Variants in ODF2 observed in about 807,000 individuals in gnomAD.
ODF2 encodes outer dense fiber of sperm tails 2, also known as outer dense fiber protein 2.
In ODF2, 47 loss-of-function variants were observed where a neutral mutation model predicts 110.2. That is an observed-to-expected ratio of 0.43 (90% CI 0.34 to 0.54). The LOEUF is 0.54. ODF2 is among the 20% of genes least tolerant of loss of function. The pLI, the probability that ODF2 is intolerant of heterozygous loss-of-function variation, is 0.03. For missense variants in ODF2, 812 were observed against 1,054.5 expected, an observed-to-expected ratio of 0.77 and a Z score of 3.19; for synonymous variants, 352 against 397.7, an observed-to-expected ratio of 0.89 and a Z score of 1.37.
intron 4 of ODF2, among the ~76,000 whole-genome samples, chr9:128,466,792 A>G (rs1260927206): frequency 6.7e-6 from 1 of 148,806 alleles, no homozygotes; most frequent in Non-Finnish European, 1.5e-5. Flanking sequence ...CCTGGCTAAC[A>G]CAGTGAAACT....
chr9:128,491,516 G>A (rs909824850), intron 14 of ODF2, among the ~76,000 whole-genome samples: 3 of 151,736 alleles, frequency 2.0e-5, no homozygotes, highest in East Asian at 2.0e-4. Flanking sequence ...AAAATTAGCC[G>A]GAGTGGGGGT....
chr9:128,460,879 C>T, intron 3 of ODF2, 63 bp from the exon 4 acceptor site: 1 of 1,608,332 alleles, frequency 6.2e-7, no homozygotes, highest in Non-Finnish European at 8.5e-7. Context: ...AGAGGGATGT[C>T]ACTAGCGTGG....
In ODF2 at chr9:128,497,442, AAAAAATATATATATATATATAT is replaced by A. The variant is rs1401458357; in HGVS notation, c.2013-969_2013-948del. On this transcript the variant is annotated intron_variant, in intron 18 of 20. Transcript: ENST00000604420. ...CTCTACTAAAAAAAAAAAAAAAAAA[AAAAAATATATATATATATATAT>A]ATATATATATATATATATATATGTA... is the stretch of plus-strand genomic sequence containing the variant. 4.7e-4 allele frequency: 39 copies of A among 83,226 alleles called. 1 individual carries two copies. Among genetic ancestry groups the A allele is most frequent in the African/African-American group, 3.0e-3 (36 of 12,118 alleles). The allele number at this position is 83,226 out of a possible 1,614,324, so 5.2% of individuals were successfully genotyped here. A position where few individuals can be genotyped will look rare whatever the true frequency, so the allele number is the denominator to read the frequency against.
chr9:128,461,621 G>T (rs558796161), intron 4 of ODF2, among the ~76,000 whole-genome samples: 80 of 152,116 alleles, frequency 5.3e-4, no homozygotes, highest in Non-Finnish European at 8.4e-4. Flanking sequence ...GTTTCATCGT[G>T]TTGGCCAGGC....
rs534779249 is a variant in ODF2 at position 128,460,515 on chromosome 9, C to A, written c.124-427C>A. ...ATGCCCAGTTTACTCATCCACAGAT[C>A]AACCATTTTTGTGTTGTCCTCCCCC... On this transcript the variant is annotated intron_variant, in intron 3 of 20. Coordinates refer to ENST00000604420, the Ensembl canonical transcript of ODF2. 25 of 1,608,740 alleles carry A rather than the reference C, an allele frequency of 1.6e-5. No homozygotes were observed. In the East Asian group the frequency reaches 2.5e-4, roughly 16 times the overall value.
chr9:128,498,522 T>G, exon 19 of ODF2: 10 of 1,611,604 alleles, frequency 6.2e-6, no homozygotes, highest in Non-Finnish European at 8.5e-6. Context: ...AACACGGGAA[T>G]GTGGGACCCT....
chr9:128,495,954 C>T, intron 17 of ODF2, 87 bp from the exon 18 acceptor site: 1 of 1,514,788 alleles, frequency 6.6e-7, no homozygotes, highest in Non-Finnish European at 9.0e-7. Context: ...TGCCCCTTTC[C>T]TGGGTGTGGA....
intron 14 of ODF2, among the ~76,000 whole-genome samples, chr9:128,490,455 TG>T (rs1844312233): frequency 6.6e-6 from 1 of 152,074 alleles, no homozygotes; most frequent in Admixed American, 6.6e-5. Context: ...GCTAATTTTT[TG>T]TATTTTTAGT....
At chr9:128,459,538 T>A (rs757569063) in intron 2 of ODF2, 29 bp from the exon 2 acceptor site, 8 of 1,576,072 alleles carry the variant, frequency 5.1e-6, no homozygotes, top group Non-Finnish European at 7.0e-6. Flanking sequence ...GTTTTCTGCT[T>A]ACAATCTGGT....
chr9:128,455,273 C>T (rs746819120), upstream of ODF2: 2 of 1,523,232 alleles, frequency 1.3e-6, no homozygotes, highest in East Asian at 2.5e-5. Context: ...GGTAGTAGAC[C>T]GGGCGCGGAG....
At chr9:128,461,094 C>G in intron 4 of ODF2, 27 bp downstream of exon 4, 1 of 1,609,256 alleles carries the variant, frequency 6.2e-7, no homozygotes, top group Non-Finnish European at 8.5e-7. Context: ...CCAGGCTTTT[C>G]TTCTCGGACT....
intron 3 of ODF2, 181 bp from the exon 3 acceptor site, chr9:128,460,369 G>A (rs1211522772): frequency 1.4e-6 from 2 of 1,429,622 alleles, no homozygotes; most frequent in Admixed American, 4.5e-5. Flanking sequence ...GATCTCTGCA[G>A]GAGCCTGCTG....
chr9:128,461,262 T>C (rs998958133), intron 4 of ODF2, 195 bp downstream of exon 4: 19 of 664,984 alleles, frequency 2.9e-5, no homozygotes, highest in Non-Finnish European at 4.5e-5. Flanking sequence ...GAAGTCCTGC[T>C]GTCCAAAGGC....
exon 21 of ODF2, chr9:128,500,328 G>A (rs1846330774): frequency 6.7e-7 from 1 of 1,493,682 alleles, no homozygotes; most frequent in East Asian, 2.3e-5. Flanking sequence ...TAGCTGAGAA[G>A]CCTGGTGGTT....
At chr9:128,476,605 T>C (rs1841325755) in intron 8 of ODF2, among the ~76,000 whole-genome samples, 1 of 151,586 alleles carries the variant, frequency 6.6e-6, no homozygotes, top group Non-Finnish European at 1.5e-5. Context: ...TTTGTTTGTT[T>C]CGTTTTGTTT....
chr9:128,497,446 A>AAAAATAT (rs1554857542), intron 18 of ODF2: 16 of 42,588 alleles, frequency 3.8e-4, no homozygotes, highest in Non-Finnish European at 4.6e-4. Context: ...AAAAAAAAAA[A>AAAAATAT]ATATATATAT....
At chr9:128,492,852 T>C in intron 16 of ODF2, 47 bp downstream of exon 16, 3 of 1,493,578 alleles carry the variant, frequency 2.0e-6, no homozygotes, top group Non-Finnish European at 2.8e-6. Flanking sequence ...ATTCCATATC[T>C]AACTCAATGA....
At chr9:128,467,995 C>T (rs1317076237) in intron 4 of ODF2, among the ~76,000 whole-genome samples, 3 of 151,950 alleles carry the variant, frequency 2.0e-5, no homozygotes, top group South Asian at 4.2e-4. Flanking sequence ...GCTCCTGGCC[C>T]TAAAATATTT....
At chr9:128,467,475 T>C (rs1389296009) in intron 4 of ODF2, among the ~76,000 whole-genome samples, 4 of 152,050 alleles carry the variant, frequency 2.6e-5, no homozygotes, top group Non-Finnish European at 2.9e-5. Context: ...CTGGATGTGG[T>C]GGCTCATACC....
Sources: allele counts gnomAD v4.1 joint callset (sites outside exome capture counted in the v4.1 genomes callset), GRCh38; gene constraint gnomAD v4.1.1; transcripts MANE v1.5; gene names NCBI Gene and HGNC (gene_info 2026-07-23, HGNC 2026-07-21).